The following ZNF567 variants were observed in gnomAD, a reference collection of about 807,000 sequenced individuals.
The protein encoded by ZNF567 is zinc finger protein 567.
In ZNF567, 36 loss-of-function variants were observed where a neutral mutation model predicts 53.9. The ratio of observed to expected loss-of-function variants is 0.67; its 90% CI spans 0.51 to 0.88. The LOEUF (loss-of-function observed/expected upper bound fraction) is 0.88, where lower values mean the gene tolerates loss of function less well. Ranked by LOEUF, ZNF567 falls within the 40% of genes least tolerant of loss-of-function variation. ZNF567 has a pLI of 0.00. For missense variants in ZNF567, 619 were observed against 764.7 expected (o/e 0.81, Z 2.25); for synonymous variants, 224 against 260.4 (o/e 0.86, Z 1.35).
chr19:36,672,029 G>C, the ZNF567 span, among the ~76,000 whole-genome samples: 1 of 152,202 alleles, frequency 6.6e-6, no homozygotes, highest in Non-Finnish European at 1.5e-5. Flanking sequence ...ATGATCAGTT[G>C]ATAGAGGTAG....
At chr19:36,667,526 T>C in the ZNF567 span, among the ~76,000 whole-genome samples, 1 of 152,038 alleles carries the variant, frequency 6.6e-6, no homozygotes, top group Admixed American at 6.5e-5. Flanking sequence ...CTGTATGTCA[T>C]ATATTTGACT....
At chr19:36,694,973 C>T in intron 3 of ZNF567, 97 bp downstream of exon 3, 2 of 1,323,112 alleles carry the variant, frequency 1.5e-6, no homozygotes, top group Non-Finnish European at 1.0e-6. Context: ...CATCCTCCTA[C>T]CTATCTTTCC....
chr19:36,723,414 T>C (rs2040320417), downstream of ZNF567: 1 of 572,580 alleles, frequency 1.7e-6, no homozygotes, highest in Non-Finnish European at 3.1e-6. Context: ...ACTGTTTCAG[T>C]AGAACATTGT....
At chr19:36,705,400 G>C (rs184991117) in intron 3 of ZNF567, among the ~76,000 whole-genome samples, 27 of 152,154 alleles carry the variant, frequency 1.8e-4, no homozygotes, top group Admixed American at 1.2e-3. Flanking sequence ...TTATTCAGTT[G>C]AAAATATTTT....
chr19:36,690,139 T>C (rs957316552), intron 2 of ZNF567, among the ~76,000 whole-genome samples: 1 of 152,184 alleles, frequency 6.6e-6, no homozygotes, highest in Non-Finnish European at 1.5e-5. Context: ...ATTAGAAAAC[T>C]CAGGGTTGTT....
chr19:36,686,364 T>C (rs1428088170), upstream of ZNF567: 2 of 152,110 alleles, frequency 1.3e-5, no homozygotes, highest in Non-Finnish European at 2.9e-5. Flanking sequence ...GGAACCCAGA[T>C]TGGCTAAATT....
chr19:36,703,294 T>C (rs1264576878), intron 3 of ZNF567, among the ~76,000 whole-genome samples: 4 of 152,186 alleles, frequency 2.6e-5, no homozygotes, highest in African/African-American at 9.6e-5. Context: ...AAGTTTTGTC[T>C]CAGAGGAGTA....
intron 1 of ZNF567, 32 bp from the exon 2 acceptor site, chr19:36,689,365 C>T (rs1314352713): frequency 2.0e-5 from 3 of 151,570 alleles, no homozygotes; most frequent in African/African-American, 7.3e-5. Flanking sequence ...AATTCCCCAA[C>T]CTTTATTTTG....
At chr19:36,691,498 G>T (rs184513381) in intron 2 of ZNF567, among the ~76,000 whole-genome samples, 34 of 152,182 alleles carry the variant, frequency 2.2e-4, no homozygotes, top group African/African-American at 7.9e-4. Context: ...AAAAGCAACC[G>T]AATATTATAT....
downstream of ZNF567, among the ~76,000 whole-genome samples, chr19:36,725,836 A>T (rs142259421): frequency 6.6e-6 from 1 of 152,142 alleles, no homozygotes; most frequent in Admixed American, 6.5e-5. Context: ...TTTTACAGAG[A>T]TGGTATCACC....
rs374899379 is a variant in ZNF567, at chr19:36,706,669, G to GTTT, written c.10-5708_10-5706dup. Among the ~76,000 whole-genome samples, 238 of 108,894 alleles carry GTTT rather than the reference G, an allele frequency of 2.2e-3. 8 individuals carry two copies. The highest frequency in any genetic ancestry group is 4.0e-3 in the East Asian group (14 of 3,478). 71.4% of individuals were successfully genotyped at this position (108,894 alleles called of 152,430 possible). A position where few individuals can be genotyped will look rare whatever the true frequency, so the allele number is the denominator to read the frequency against. ...CTGATTTCCATCCTTTTTACTGTTG[G>GTTT]TTTTTTTTTTTGTTTTTTTTTTGAG... On this transcript the variant is annotated intron_variant, in intron 3 of 5. Transcript: ENST00000682579.
chr19:36,677,684 T>G, the ZNF567 span, among the ~76,000 whole-genome samples: 1 of 151,724 alleles, frequency 6.6e-6, no homozygotes, highest in South Asian at 2.1e-4. Context: ...GAAGAATCGC[T>G]TGAACCCAGG....
At chr19:36,726,982 T>TTTTTTTCTTTCTTTCTTTCTTTCTTTC, downstream of ZNF567, 1 of 55,390 alleles carries the variant, frequency 1.8e-5, no homozygotes, top group Non-Finnish European at 3.6e-5. Flanking sequence ...CTTTCTTTCT[T>TTTTTTTCTTTCTTTCTTTCTTTCTTTC]TTTCTTTCTT....
chr19:36,691,649 C>T (rs2145564187), intron 2 of ZNF567, among the ~76,000 whole-genome samples: 1 of 152,332 alleles, frequency 6.6e-6, no homozygotes, highest in East Asian at 1.9e-4. Flanking sequence ...TTCTAGCCCC[C>T]ATCCAATCAC....
At position 36,720,080 on chromosome 19, in the gene ZNF567, T is replaced by C. The variant is rs1189559189; in HGVS notation, c.1356T>C (p.Ser452=). The C allele has an allele frequency of 6.2e-7, 1 of 1,613,912 alleles. No homozygotes were observed. Among genetic ancestry groups the C allele is most frequent in the Non-Finnish European group, 8.5e-7 (1 of 1,179,998 alleles). The change falls in exon 6 of 6, where the codon AGT becomes AGC. Residue 452 remains serine (S), a synonymous_variant. Transcript: ENST00000682579. ...ATGAGGAGAAACCCTATATTTGTAG[T>C]GAATGTGGAAAGTCCTTCCGCCAGA... ...THNEEKPYIC[S]ECGKSFRQKT...
At chr19:36,713,344 C>T (rs997690595) in intron 5 of ZNF567, among the ~76,000 whole-genome samples, 1 of 151,816 alleles carries the variant, frequency 6.6e-6, no homozygotes, top group Non-Finnish European at 1.5e-5. Context: ...TTAGTCCCAG[C>T]TACTCAGGAA....
intron 3 of ZNF567, among the ~76,000 whole-genome samples, chr19:36,700,428 C>CA (rs1268156300): frequency 2.0e-5 from 3 of 151,218 alleles, no homozygotes; most frequent in Non-Finnish European, 2.9e-5. Context: ...CAGGATGATG[C>CA]TGGCCTCATA....
chr19:36,712,207 C>A, intron 3 of ZNF567, 179 bp from the exon 4 acceptor site: 1 of 520,916 alleles, frequency 1.9e-6, no homozygotes, highest in Non-Finnish European at 3.4e-6. Context: ...CCACTATGCC[C>A]AGCTAATTTT....
At chr19:36,702,296 T>C (rs1239254839) in intron 3 of ZNF567, among the ~76,000 whole-genome samples, 1 of 152,192 alleles carries the variant, frequency 6.6e-6, no homozygotes, top group African/African-American at 2.4e-5. Context: ...AGAGATCCGC[T>C]GTTAGTCTGA....
Sources: gnomAD v4.1 joint callset for allele counts (sites outside exome capture counted in the v4.1 genomes callset) on GRCh38, gnomAD v4.1.1 for gene constraint, MANE v1.5 for transcripts, NCBI Gene and HGNC (gene_info 2026-07-23, HGNC 2026-07-21) for gene names.